The following RNF13 variants were observed in gnomAD, a reference collection of about 807,000 sequenced individuals.
RNF13 encodes ring finger protein 13.
In RNF13, 19 loss-of-function variants were observed where a neutral mutation model predicts 37.7. The ratio of observed to expected loss-of-function variants is 0.50; its 90% CI spans 0.35 to 0.74. The LOEUF (loss-of-function observed/expected upper bound fraction) is 0.74. Ranked by LOEUF, RNF13 falls within the 30% of genes least tolerant of loss-of-function variation. The probability of loss-of-function intolerance (pLI) is 0.01; values close to 1 mark genes in which losing one functional copy is unlikely to be tolerated. For synonymous variants in RNF13, 144 were observed against 157.8 expected (o/e 0.91, Z 0.65); for missense variants, 375 against 453.0 (o/e 0.83, Z 1.56).
intron 3 of RNF13, among the ~76,000 whole-genome samples, chr3:149,863,527 G>A (rs569637281): frequency 3.0e-4 from 46 of 152,186 alleles, no homozygotes; most frequent in African/African-American, 9.6e-4. Context: ...TTACAGGCGT[G>A]TACCACCACG....
chr3:149,960,811 G>T lies in RNF13; in HGVS notation c.853G>T (p.Val285Phe). 2 of 1,614,164 alleles carry T rather than the reference G, an allele frequency of 1.2e-6. No individual in the cohort carries two copies. The highest frequency in any genetic ancestry group is 1.7e-6 in the Non-Finnish European group (2 of 1,180,032). ...AACCTGTCCAGTGTGCAAGCAAAAA[G>T]TTGTTCCTTCTCAAGGCGATTCAGA... ...KKTCPVCKQK[V>F]VPSQGDSDSD... is the part of the protein sequence containing the mutation. The change falls in exon 10 of 10, where the codon GTT becomes TTT. Residue 285 changes from valine to phenylalanine, a missense_variant. Coordinates refer to ENST00000392894, the MANE Select transcript of RNF13 (RefSeq NM_183381.3).
intron 6 of RNF13, among the ~76,000 whole-genome samples, chr3:149,909,236 C>G (rs2971465): frequency 6.6e-6 from 1 of 151,644 alleles, no homozygotes; most frequent in East Asian, 1.9e-4. Flanking sequence ...AAAACAGTAT[C>G]TTGAGTGTAC....
At chr3:149,858,067 C>T (rs999404380) in intron 3 of RNF13, among the ~76,000 whole-genome samples, 1 of 152,120 alleles carries the variant, frequency 6.6e-6, no homozygotes, top group African/African-American at 2.4e-5. Flanking sequence ...GCCAGGACAC[C>T]GCTTAGGTTT....
chr3:149,825,663 T>G (rs1171220623), intron 1 of RNF13, among the ~76,000 whole-genome samples: 1 of 152,238 alleles, frequency 6.6e-6, no homozygotes, highest in East Asian at 1.9e-4. Context: ...CCTGCTCCAG[T>G]GAAAACTGAA....
intron 1 of RNF13, among the ~76,000 whole-genome samples, chr3:149,841,571 A>T (rs1030064991): frequency 1.3e-5 from 2 of 152,172 alleles, no homozygotes; most frequent in Non-Finnish European, 2.9e-5. Flanking sequence ...AGCAAGGGTG[A>T]GTGGTAGAGT....
At chr3:149,911,395 C>T (rs1270799891) in intron 6 of RNF13, among the ~76,000 whole-genome samples, 2 of 152,128 alleles carry the variant, frequency 1.3e-5, no homozygotes, top group Non-Finnish European at 1.5e-5. Flanking sequence ...TGGTGGCTCA[C>T]GCCTGTAATC....
At position 149,816,155 on chromosome 3, in the gene RNF13, C is replaced by T. The variant is rs527572477; in HGVS notation, c.-17+2802C>T. On this transcript the variant is annotated intron_variant, in intron 1 of 9. Coordinates refer to ENST00000392894, the MANE Select transcript of RNF13 (RefSeq NM_183381.3). ...GTTCAAGTCATCCACCTGCTTCAGC[C>T]TTCCAAAATGCTGGGATTACAGGTG... Among the ~76,000 whole-genome samples, 9 of 151,916 alleles carry T rather than the reference C, an allele frequency of 5.9e-5. No homozygotes were observed. In the South Asian group the frequency reaches 1.9e-3, roughly 32 times the overall value.
intron 3 of RNF13, among the ~76,000 whole-genome samples, chr3:149,866,837 G>T (rs1711497994): frequency 6.6e-6 from 1 of 152,078 alleles, no homozygotes; most frequent in African/African-American, 2.4e-5. Flanking sequence ...CCATGTATTT[G>T]TGAAGTTTCC....
At chr3:149,903,937 A>ATCTG (rs34025145) in intron 6 of RNF13, among the ~76,000 whole-genome samples, 36,399 of 148,380 alleles carry the variant, frequency 0.25, 4,677 homozygotes, top group Middle Eastern at 0.33. Flanking sequence ...ATATCTGTCT[A>ATCTG]TCTGTCTGTC....
At chr3:149,902,907 A>G (rs1240352021) in intron 6 of RNF13, among the ~76,000 whole-genome samples, 2 of 152,160 alleles carry the variant, frequency 1.3e-5, no homozygotes, top group Non-Finnish European at 2.9e-5. Flanking sequence ...CAAGACTTCT[A>G]CATTTTGTTA....
intron 3 of RNF13, among the ~76,000 whole-genome samples, chr3:149,866,155 T>C (rs941154823): frequency 6.6e-6 from 1 of 151,950 alleles, no homozygotes; most frequent in African/African-American, 2.4e-5. Context: ...CAAGAGAGGG[T>C]CGTTGGATCT....
chr3:149,825,491 G>A (rs953059021), intron 1 of RNF13, among the ~76,000 whole-genome samples: 9 of 152,170 alleles, frequency 5.9e-5, no homozygotes, highest in Non-Finnish European at 1.0e-4. Context: ...TGCAGATGTT[G>A]TACATTCCAG....
At chr3:149,829,879 T>A (rs1018355107) in intron 1 of RNF13, among the ~76,000 whole-genome samples, 2 of 152,018 alleles carry the variant, frequency 1.3e-5, no homozygotes, top group African/African-American at 2.4e-5. Flanking sequence ...ATCATGGGGG[T>A]GGTTTTTTCT....
chr3:149,868,402 T>G (rs1051354203), intron 3 of RNF13, among the ~76,000 whole-genome samples: 4 of 151,822 alleles, frequency 2.6e-5, no homozygotes, highest in Admixed American at 6.6e-5. Flanking sequence ...CTGGTGGTGG[T>G]AAACTCTCTC....
intron 8 of RNF13, among the ~76,000 whole-genome samples, chr3:149,936,255 A>C (rs1168904114): frequency 6.6e-6 from 1 of 151,876 alleles, no homozygotes; most frequent in Non-Finnish European, 1.5e-5. Flanking sequence ...TGACCTTCCT[A>C]TGCCTGGATA....
intron 3 of RNF13, among the ~76,000 whole-genome samples, chr3:149,863,026 G>A (rs1724428216): frequency 1.3e-5 from 2 of 152,188 alleles, no homozygotes; most frequent in South Asian, 4.1e-4. Flanking sequence ...GGCAATGACA[G>A]TACCCTTATT....
At chr3:149,864,394 G>A (rs557466682) in intron 3 of RNF13, among the ~76,000 whole-genome samples, 1 of 152,046 alleles carries the variant, frequency 6.6e-6, no homozygotes, top group Admixed American at 6.5e-5. Flanking sequence ...GTGTGTATGT[G>A]TGCTTTCTTG....
At chr3:149,841,293 G>T (rs1722153730) in intron 1 of RNF13, among the ~76,000 whole-genome samples, 1 of 152,156 alleles carries the variant, frequency 6.6e-6, no homozygotes, top group East Asian at 1.9e-4. Flanking sequence ...GCAGATTTAA[G>T]TGAAAACAAC....
chr3:149,831,013 A>C (rs546045012), intron 1 of RNF13, among the ~76,000 whole-genome samples: 44 of 152,394 alleles, frequency 2.9e-4, no homozygotes, highest in Non-Finnish European at 4.7e-4. Context: ...CAAGGTGCAC[A>C]GAAGTCCAGA....
Sources: gnomAD v4.1 joint callset for allele counts (sites outside exome capture counted in the v4.1 genomes callset) on GRCh38, gnomAD v4.1.1 for gene constraint, MANE v1.5 for transcripts, NCBI Gene and HGNC (gene_info 2026-07-23, HGNC 2026-07-21) for gene names.